Variants in APP observed in about 807,000 individuals in gnomAD.
APP encodes amyloid-beta precursor protein.
Under a neutral mutation model 101.4 loss-of-function variants are expected in APP, and 31 were observed. The observed-to-expected ratio is 0.31, with a 90% CI of 0.23 to 0.41. APP has a LOEUF of 0.41. Ranked by LOEUF, APP falls within the 10% of genes least tolerant of loss-of-function variation. The pLI, the probability that APP is intolerant of heterozygous loss-of-function variation, is 1.00. For missense variants in APP, 839 were observed against 1,003.7 expected (o/e 0.84, Z 2.22); for synonymous variants, 366 against 364.4 (o/e 1.00, Z -0.05).
intron 2 of APP, among the ~76,000 whole-genome samples, chr21:26,104,726 A>C (rs565555671): frequency 2.6e-5 from 4 of 152,348 alleles, no homozygotes; most frequent in African/African-American, 9.6e-5. Flanking sequence ...GATAATTCAC[A>C]GTCAAAGTTA....
At chr21:26,128,529 T>C (rs188731389) in intron 1 of APP, among the ~76,000 whole-genome samples, 8 of 152,358 alleles carry the variant, frequency 5.3e-5, no homozygotes, top group African/African-American at 1.9e-4. Context: ...TAGTAATGTA[T>C]ACTCAAAATG....
intron 6 of APP, among the ~76,000 whole-genome samples, chr21:26,006,914 T>C (rs1429814201): frequency 1.3e-5 from 2 of 152,210 alleles, no homozygotes; most frequent in Non-Finnish European, 1.5e-5. Flanking sequence ...TTTTTAATCA[T>C]TGAATTTCAA....
rs1297968881 is a variant in APP, at chr21:26,112,137, C to T, written c.67G>A (p.Asp23Asn). ...TCAGCCAGCAGGCCAGCATTACCAT[C>T]AGTGGGTACCTGAAAGAAGAAGCTT... is the stretch of plus-strand genomic sequence containing the variant. Reference protein sequence around the residue: ...WTARALEVPTDGNAGLLAEPQ... With the variant: ...WTARALEVPTNGNAGLLAEPQ... The change falls in exon 2 of 18, where the codon GAT becomes AAT. Residue 23 changes from aspartate (D) to asparagine (N), a missense_variant. Coordinates refer to ENST00000346798, the MANE Select transcript of APP (RefSeq NM_000484.4). 6.2e-7 allele frequency: 1 copy of T among 1,614,004 alleles called. No individual in the cohort carries two copies. Among genetic ancestry groups the T allele is most frequent in the East Asian group, 2.2e-5 (1 of 44,874 alleles).
chr21:25,933,580 T>A (rs1356778912), intron 13 of APP, among the ~76,000 whole-genome samples: 2 of 152,224 alleles, frequency 1.3e-5, no homozygotes, highest in Non-Finnish European at 1.5e-5. Flanking sequence ...ATGTAAGCAA[T>A]CCTTACTTGG....
intron 3 of APP, among the ~76,000 whole-genome samples, chr21:26,054,344 C>T (rs1347991493): frequency 2.6e-5 from 4 of 152,302 alleles, no homozygotes; most frequent in Admixed American, 1.3e-4. Context: ...CAATTCCTGG[C>T]CTAGTTCTGT....
chr21:25,892,949 T>TAAAA (rs768171775), intron 16 of APP, among the ~76,000 whole-genome samples: 1 of 90,792 alleles, frequency 1.1e-5, no homozygotes, highest in African/African-American at 3.4e-5. Context: ...AGATAGTATT[T>TAAAA]AAAAAAAAAA....
At chr21:25,954,304 G>C (rs1009343674) in intron 13 of APP, among the ~76,000 whole-genome samples, 2 of 152,146 alleles carry the variant, frequency 1.3e-5, no homozygotes, top group African/African-American at 4.8e-5. Context: ...ACAAGATTGG[G>C]CAAATTAGAA....
chr21:26,022,012 C>T lies in APP; in HGVS notation c.693G>A (p.Glu231=), dbSNP rs752421353. The T allele has an allele frequency of 3.7e-6, 6 of 1,614,110 alleles. No homozygotes were observed. In the South Asian group the frequency reaches 6.6e-5, roughly 18 times the overall value. The change falls in exon 6 of 18, where the codon GAG becomes GAA. Residue 231 remains glutamate (E), a synonymous_variant. Coordinates refer to ENST00000346798, the MANE Select transcript of APP (RefSeq NM_000484.4). ...SEDKVVEVAE[E]EEVAEVEEEE... ...CTTCTTCCACCTCAGCCACTTCTTC[C>T]TCCTCTGCTACTTCTACTACTTTGT...
At chr21:26,161,951 G>C (rs1031912275) in intron 1 of APP, among the ~76,000 whole-genome samples, 1 of 152,048 alleles carries the variant, frequency 6.6e-6, no homozygotes, top group Admixed American at 6.6e-5. Flanking sequence ...AATAAATACA[G>C]TTAAGAAACA....
chr21:26,124,872 T>G (rs913003913), intron 1 of APP, among the ~76,000 whole-genome samples: 1 of 152,234 alleles, frequency 6.6e-6, no homozygotes, highest in Admixed American at 6.5e-5. Flanking sequence ...GCAGTGAACA[T>G]ATTCAAAGTT....
At chr21:25,929,239 T>C (rs775306331) in intron 13 of APP, among the ~76,000 whole-genome samples, 7 of 152,202 alleles carry the variant, frequency 4.6e-5, no homozygotes, top group Non-Finnish European at 7.3e-5. Flanking sequence ...CTGCAGCATA[T>C]GTTATGACTT....
chr21:25,901,344 A>C (rs1215704171), intron 15 of APP, among the ~76,000 whole-genome samples: 3 of 147,392 alleles, frequency 2.0e-5, no homozygotes, highest in South Asian at 2.2e-4. Context: ...TCCACTAAAA[A>C]CTTTACAAGC....
chr21:25,918,523 T>A (rs372837867), intron 13 of APP, among the ~76,000 whole-genome samples: 1 of 151,748 alleles, frequency 6.6e-6, no homozygotes, highest in East Asian at 1.9e-4. Flanking sequence ...AGTGGGTGCG[T>A]GCACCGTGCG....
At chr21:26,008,528 T>C (rs1449023730) in intron 6 of APP, among the ~76,000 whole-genome samples, 2 of 152,152 alleles carry the variant, frequency 1.3e-5, no homozygotes, top group Middle Eastern at 3.2e-3. Context: ...AACAAACAAA[T>C]AGAACACTCT....
At chr21:26,149,010 A>G (rs1480402712) in intron 1 of APP, among the ~76,000 whole-genome samples, 1 of 152,178 alleles carries the variant, frequency 6.6e-6, no homozygotes, top group Admixed American at 6.5e-5. Flanking sequence ...AAAGGGAAAT[A>G]ATGGAATTGG....
chr21:25,882,368 C>G (rs1380648571), intron 17 of APP, among the ~76,000 whole-genome samples: 1 of 147,606 alleles, frequency 6.8e-6, no homozygotes, highest in Non-Finnish European at 1.5e-5. Flanking sequence ...TATTATTTGG[C>G]ACAAGAAAAA....
chr21:26,132,374 C>T (rs1453798027), intron 1 of APP, among the ~76,000 whole-genome samples: 1 of 152,160 alleles, frequency 6.6e-6, no homozygotes, highest in Admixed American at 6.5e-5. Context: ...CTGTACTTTG[C>T]ACCCATTAGA....
At chr21:26,104,324 A>G (rs45470603) in intron 2 of APP, among the ~76,000 whole-genome samples, 41 of 140,878 alleles carry the variant, frequency 2.9e-4, no homozygotes, top group African/African-American at 7.2e-4. Flanking sequence ...AAAAGGGGGG[A>G]AAAATCTCAA....
intron 13 of APP, 69 bp from the exon 14 acceptor site, chr21:25,912,031 C>T: frequency 8.0e-7 from 1 of 1,244,604 alleles, no homozygotes; most frequent in Non-Finnish European, 1.2e-6. Flanking sequence ...CAGCAGCCAC[C>T]ATTTACTTCT....
Sources: allele counts gnomAD v4.1 joint callset (sites outside exome capture counted in the v4.1 genomes callset), GRCh38; gene constraint gnomAD v4.1.1; transcripts MANE v1.5; gene names NCBI Gene and HGNC (gene_info 2026-07-23, HGNC 2026-07-21).